The following ATAD2 variants were observed in gnomAD, a reference collection of about 807,000 sequenced individuals.
The protein encoded by ATAD2 is ATPase family AAA domain containing 2.
ATAD2 carries 62 observed loss-of-function variants against 168.9 expected under a neutral mutation model. That is an observed-to-expected ratio of 0.37 (90% CI 0.30 to 0.45). The LOEUF (loss-of-function observed/expected upper bound fraction) is 0.45, where lower values mean the gene tolerates loss of function less well. Among genes scored for constraint, ATAD2 ranks in the 20% least tolerant of loss-of-function variants. ATAD2 has a pLI of 1.00. For missense variants in ATAD2, 1,419 were observed against 1,667.8 expected (o/e 0.85, Z 2.60); for synonymous variants, 613 against 571.6 (o/e 1.07, Z -1.03).
upstream of ATAD2, chr8:123,396,551 T>C (rs921184763): frequency 6.8e-6 from 4 of 585,104 alleles, no homozygotes; most frequent in Middle Eastern, 4.6e-4. Context: ...CTCGAAACTC[T>C]CCTCCCATTT....
intron 1 of ATAD2, among the ~76,000 whole-genome samples, chr8:123,412,106 G>A (rs1027868971): frequency 7.2e-5 from 11 of 152,128 alleles, no homozygotes; most frequent in East Asian, 3.9e-4. Context: ...AGCAGGTAGG[G>A]TGGCAAGCCA....
At chr8:123,325,359 T>G (rs1447955395) in intron 26 of ATAD2, among the ~76,000 whole-genome samples, 1 of 151,838 alleles carries the variant, frequency 6.6e-6, no homozygotes, top group African/African-American at 2.4e-5. Flanking sequence ...CTCGGCTCAC[T>G]GCAAGCTCCA....
At position 123,328,531 on chromosome 8, in the gene ATAD2, G is replaced by C; in HGVS notation, c.3527C>G (p.Thr1176Ser). Residue 1176 changes from threonine to serine, a missense_variant, in exon 25 of 28, where the codon ACC becomes AGC. Transcript: ENST00000287394. Reference protein sequence around the residue: ...IRKKSNWYLGTIKKRRKISQA... With the variant: ...IRKKSNWYLGSIKKRRKISQA... ...TGAAATCTTCCTTCGCTTTTTTATG[G>C]TGCCTAAGTACCAGTTTGACTTTTT... 6.3e-7 allele frequency: 1 copy of C among 1,586,574 alleles called. No individual in the cohort carries two copies. The highest frequency in any genetic ancestry group is 8.5e-7 in the Non-Finnish European group (1 of 1,169,784).
rs752724492 is a variant in ATAD2, at chr8:123,349,399, G to C, written c.1692C>G (p.Ser564Arg). The C allele has an allele frequency of 1.2e-6, 2 of 1,613,966 alleles. No individual in the cohort carries two copies. Among genetic ancestry groups the C allele is most frequent in the South Asian group, 2.2e-5 (2 of 91,068 alleles). ...TLLALMDGLD[S>R]RGEIVVIGAT... ...CACCAATGACCACAATTTCCCCTCT[G>C]CTGTCCAATCCATCCATAAGAGCTA... Residue 564 changes from serine to arginine, a missense_variant, in exon 14 of 28, where the codon AGC (serine) becomes AGG (arginine). Around this residue, in one of 5 missense-constraint regions of ATAD2, gnomAD observed 545 missense variants for 724.9 expected, o/e 0.75. Coordinates refer to ENST00000287394, the MANE Select transcript of ATAD2 (RefSeq NM_014109.4).
At chr8:123,347,997 C>G (rs1828307625) in intron 15 of ATAD2, 186 bp downstream of exon 15, 1 of 645,098 alleles carries the variant, frequency 1.6e-6, no homozygotes. Context: ...GAAAATGCCA[C>G]AAATAAGAGA....
Position 123,369,088 on chromosome 8 carries a change from G to C in ATAD2, c.1019C>G (p.Pro340Arg), listed in dbSNP as rs1176666474. ...CATTCGTTTACAGTAAGGACTTCTT[G>C]GTCCTGCGGAAGATAATCGGTATCT... ...RPRYRLSSAG[P>R]RSPYCKRMNR... is the part of the protein sequence containing the mutation. The change falls in exon 8 of 28, where the codon CCA (proline) becomes CGA (arginine). Residue 340 changes from proline to arginine, a missense_variant. By Grantham distance (103) the Pro-to-Arg change is moderately radical. Coordinates refer to ENST00000287394, the MANE Select transcript of ATAD2 (RefSeq NM_014109.4). 2 of 1,593,664 alleles carry C rather than the reference G, an allele frequency of 1.3e-6. No homozygotes were observed. The highest frequency in any genetic ancestry group is 1.7e-4 in the Middle Eastern group (1 of 5,964).
rs1586850067 is a variant in ATAD2, at chr8:123,320,834, T to C, written c.*300A>G. On this transcript the variant is annotated 3_prime_UTR_variant, in exon 28 of 28. Coordinates refer to ENST00000287394, the MANE Select transcript of ATAD2 (RefSeq NM_014109.4). ...CAAAATTTAACGCTGCTAATTATTC[T>C]TAAGTGCCATAAAACATTAGTTACC... 1 of 286,822 alleles carries C rather than the reference T, an allele frequency of 3.5e-6. No homozygotes were observed. The highest frequency in any genetic ancestry group is 7.3e-5 in the East Asian group (1 of 13,738). The allele number at this position is 286,822 out of a possible 1,614,324, so 17.8% of individuals were successfully genotyped here.
chr8:123,337,895 G>C (rs1827961605), intron 20 of ATAD2, 74 bp from the exon 21 acceptor site: 6 of 1,397,704 alleles, frequency 4.3e-6, no homozygotes, highest in Non-Finnish European at 5.8e-6. Flanking sequence ...AATGAAAACA[G>C]AGTCAGGATT....
chr8:123,325,696 C>T (rs140098849), intron 26 of ATAD2, among the ~76,000 whole-genome samples, 197 bp downstream of exon 26: 3,527 of 152,292 alleles, frequency 0.023, 142 homozygotes, highest in African/African-American at 0.081. Flanking sequence ...GCTGGGATTA[C>T]AGGCGTGAGC....
intron 24 of ATAD2, among the ~76,000 whole-genome samples, chr8:123,331,793 C>T (rs545268255): frequency 2.0e-5 from 3 of 152,306 alleles, no homozygotes; most frequent in African/African-American, 7.2e-5. Flanking sequence ...AACCGCAAAT[C>T]ACTTTTTACT....
chr8:123,371,190 T>G, intron 5 of ATAD2, 46 bp downstream of exon 5: 1 of 1,470,690 alleles, frequency 6.8e-7, no homozygotes, highest in Non-Finnish European at 9.3e-7. Flanking sequence ...TATAAAAAAA[T>G]TAAACTGGAT....
chr8:123,388,218 T>C (rs987786923), intron 1 of ATAD2, among the ~76,000 whole-genome samples: 1 of 152,102 alleles, frequency 6.6e-6, no homozygotes, highest in African/African-American at 2.4e-5. Context: ...TTTTTAGAGA[T>C]AGGATCTTGC....
intron 16 of ATAD2, 51 bp downstream of exon 16, chr8:123,347,041 C>A (rs765470287): frequency 6.3e-5 from 94 of 1,491,472 alleles, no homozygotes; most frequent in Non-Finnish European, 8.3e-5. Flanking sequence ...TGAAACATTT[C>A]ACTTTACTGA....
chr8:123,334,015 C>A lies in ATAD2; in HGVS notation c.3341G>T (p.Ser1114Ile), dbSNP rs1219575943. Residue 1114 changes from serine to isoleucine, a missense_variant, in exon 24 of 28, where the codon AGC becomes ATC. By Grantham distance (142) the Ser-to-Ile change is moderately radical. Transcript: ENST00000287394. ...GTAAGACGGGGCATATTTGGAGGAG[C>A]TACAACCTTATAAATAGATATGTGG... ...IQESRKKRGC[S>I]SSKYAPSYYH... The A allele has an allele frequency of 1.9e-6, 3 of 1,612,402 alleles. No homozygotes were observed. The South Asian group carries it at 3.3e-5, about 18-fold the overall frequency.
At chr8:123,397,239 T>TGAAAAAAAAAAAAAAAAAAAA (rs1563869628), upstream of ATAD2, among the ~76,000 whole-genome samples, 2 of 79,626 alleles carry the variant, frequency 2.5e-5, 1 homozygote, top group African/African-American at 1.2e-4. Context: ...AGACTCTGTC[T>TGAAAAAAAAAAAAAAAAAAAA]CAAAAAAAAA....
intron 17 of ATAD2, 116 bp from the exon 18 acceptor site, chr8:123,346,388 T>G: frequency 9.3e-7 from 1 of 1,074,936 alleles, no homozygotes; most frequent in Non-Finnish European, 1.3e-6. Context: ...GGCCAACCAA[T>G]CATAACATGG....
rs1159384526 is a variant in ATAD2 at position 123,346,718 on chromosome 8, C to T, written c.2245G>A (p.Ala749Thr). ...ISCPLLESDL[A>T]YSDDDVPSVY... is the part of the protein sequence containing the mutation. ...GATGGAACATCATCATCACTGTAAG[C>T]CAAGTCACTTTCTAGCAGAGGACAA... Residue 749 changes from alanine (A) to threonine (T), a missense_variant, in exon 17 of 28, where the codon GCT becomes ACT. Coordinates refer to ENST00000287394, the MANE Select transcript of ATAD2 (RefSeq NM_014109.4). The T allele has an allele frequency of 6.3e-7, 1 of 1,594,924 alleles. No individual in the cohort carries two copies.
At chr8:123,337,529 A>T in intron 21 of ATAD2, 96 bp downstream of exon 21, 1 of 1,165,198 alleles carries the variant, frequency 8.6e-7, no homozygotes, top group Non-Finnish European at 1.2e-6. Context: ...AAAACTAGTT[A>T]AGAGTGTAGG....
chr8:123,407,226 C>T (rs1479406086), intron 1 of ATAD2, among the ~76,000 whole-genome samples: 1 of 152,218 alleles, frequency 6.6e-6, no homozygotes, highest in African/African-American at 2.4e-5. Context: ...TGATTTCAGA[C>T]TTCCAGACTC....
Sources: allele counts gnomAD v4.1 joint callset (sites outside exome capture counted in the v4.1 genomes callset), GRCh38; gene constraint gnomAD v4.1.1; regional missense constraint gnomAD v4.1.1; transcripts MANE v1.5; gene names NCBI Gene and HGNC (gene_info 2026-07-23, HGNC 2026-07-21).